Variants in CORO2A observed in about 807,000 individuals in gnomAD.
The protein encoded by CORO2A is coronin 2A.
CORO2A carries 47 observed loss-of-function variants against 62.4 expected under a neutral mutation model. The ratio of observed to expected loss-of-function variants is 0.75; its 90% CI spans 0.60 to 0.96. The LOEUF is 0.96. CORO2A is among the 40% of genes least tolerant of loss of function. The pLI is 0.00. For missense variants in CORO2A, 610 were observed against 684.1 expected (o/e 0.89, Z 1.21); for synonymous variants, 273 against 268.9 (o/e 1.02, Z -0.15).
At chr9:98,133,907 C>T (rs1179346813) in intron 4 of CORO2A, among the ~76,000 whole-genome samples, 1 of 152,052 alleles carries the variant, frequency 6.6e-6, no homozygotes, top group Non-Finnish European at 1.5e-5. Context: ...GACGCATTTT[C>T]CCACACCTGG....
intron 1 of CORO2A, among the ~76,000 whole-genome samples, chr9:98,180,033 CA>C (rs899704858): frequency 4.7e-5 from 7 of 149,256 alleles, no homozygotes; most frequent in Non-Finnish European, 8.9e-5. Context: ...AAACAGCAAG[CA>C]AAAAAAACTG....
intron 5 of CORO2A, 53 bp from the exon 6 acceptor site, chr9:98,132,354 G>A: frequency 6.7e-7 from 1 of 1,503,206 alleles, no homozygotes; most frequent in Non-Finnish European, 9.2e-7. Context: ...ATCGGGGGCA[G>A]CTGGGGTTTC....
At chr9:98,163,214 G>A (rs974479090) in intron 1 of CORO2A, among the ~76,000 whole-genome samples, 2 of 152,190 alleles carry the variant, frequency 1.3e-5, no homozygotes, top group African/African-American at 4.8e-5. Context: ...TTGAGACGGA[G>A]TCTCGCTCTG....
rs1261551953 is a variant in CORO2A at position 98,134,958 on chromosome 9, G to A, written c.319-3C>T. On this transcript the variant is annotated splice_polypyrimidine_tract_variant and splice_region_variant and intron_variant, in intron 3 of 11. Transcript: ENST00000375077. The stretch of plus-strand genomic sequence containing the variant: ...TTGGGGATGCTCCAGATCTTAATCT[G>A]GCAGGGGAGACAGGGCCCAAGGCAG... 9 of 1,613,658 alleles carry A rather than the reference G, an allele frequency of 5.6e-6. No homozygotes were observed. The highest frequency in any genetic ancestry group is 1.3e-5 in the African/African-American group (1 of 74,928).
intron 1 of CORO2A, among the ~76,000 whole-genome samples, chr9:98,168,664 C>T (rs974938460): frequency 1.3e-5 from 2 of 152,184 alleles, no homozygotes; most frequent in Non-Finnish European, 2.9e-5. Flanking sequence ...GTTCAAAAGA[C>T]GTTGGCTAGT....
At chr9:98,126,208 G>C (rs1287107981) in intron 11 of CORO2A, among the ~76,000 whole-genome samples, 1 of 151,584 alleles carries the variant, frequency 6.6e-6, no homozygotes, top group African/African-American at 2.4e-5. Flanking sequence ...GCTAATTTTT[G>C]TATTTTTAGT....
intron 7 of CORO2A, among the ~76,000 whole-genome samples, chr9:98,130,582 G>A (rs1827390859): frequency 6.6e-6 from 1 of 152,252 alleles, no homozygotes; most frequent in African/African-American, 2.4e-5. Flanking sequence ...TTGTCATAAT[G>A]ACTTGGATGG....
chr9:98,189,020 T>C (rs1175050616), intron 1 of CORO2A, among the ~76,000 whole-genome samples: 1 of 152,170 alleles, frequency 6.6e-6, no homozygotes, highest in African/African-American at 2.4e-5. Context: ...AAGCTCATAA[T>C]CACACCTTCC....
chr9:98,149,085 G>A (rs1458148957), intron 2 of CORO2A, among the ~76,000 whole-genome samples: 1 of 152,168 alleles, frequency 6.6e-6, no homozygotes, highest in East Asian at 1.9e-4. Flanking sequence ...ATGCTGTACT[G>A]CGTACTGTAG....
intron 2 of CORO2A, among the ~76,000 whole-genome samples, chr9:98,154,218 C>CT (rs1482674872): frequency 6.6e-6 from 1 of 151,044 alleles, no homozygotes; most frequent in East Asian, 1.9e-4. Flanking sequence ...AGTTGTTCAT[C>CT]TTTTTTATTT....
chr9:98,177,505 G>A (rs1828124753), intron 1 of CORO2A, among the ~76,000 whole-genome samples: 2 of 133,230 alleles, frequency 1.5e-5, no homozygotes, highest in South Asian at 2.3e-4. Context: ...CTCTGCTGGA[G>A]ACCCAGGCTG....
chr9:98,128,926 A>G (rs1772197119), intron 8 of CORO2A, among the ~76,000 whole-genome samples: 1 of 152,148 alleles, frequency 6.6e-6, no homozygotes, highest in Non-Finnish European at 1.5e-5. Context: ...GATTTAAATT[A>G]TTTTAGCTGA....
chr9:98,157,719 C>G, intron 1 of CORO2A, 59 bp from the exon 2 acceptor site: 2 of 1,483,214 alleles, frequency 1.3e-6, no homozygotes, highest in Admixed American at 1.7e-5. Context: ...ATGGGACACA[C>G]AGAGCTCTCA....
At chr9:98,127,400 A>G (rs113688775) in intron 10 of CORO2A, among the ~76,000 whole-genome samples, 5,310 of 152,158 alleles carry the variant, frequency 0.035, 306 homozygotes, top group African/African-American at 0.12. Context: ...AGCTGGGGTG[A>G]CTGCTTCTGC....
Position 98,154,162 on chromosome 9 carries a change from T to C in CORO2A, c.201+3298A>G, listed in dbSNP as rs141502362. On this transcript the variant is annotated intron_variant, in intron 2 of 11. Transcript: ENST00000375077. ...TCTTTCTTATTCTGTCCTCCTTGTCTGGTTTTGGTATCAAGGTTACAGTGG... is the reference window on the plus strand; with the variant it reads ...TCTTTCTTATTCTGTCCTCCTTGTCCGGTTTTGGTATCAAGGTTACAGTGG... Among the ~76,000 whole-genome samples, 124 of 152,030 alleles carry C rather than the reference T, an allele frequency of 8.2e-4. 1 individual carries two copies. Among genetic ancestry groups the C allele is most frequent in the Non-Finnish European group, 9.0e-4 (61 of 67,978 alleles).
chr9:98,143,164 G>A (rs1827597118), intron 2 of CORO2A, among the ~76,000 whole-genome samples: 1 of 152,232 alleles, frequency 6.6e-6, no homozygotes, highest in East Asian at 1.9e-4. Flanking sequence ...CCTGCCTGGA[G>A]AGGCATCACC....
At chr9:98,166,356 T>C (rs1289810007) in intron 1 of CORO2A, among the ~76,000 whole-genome samples, 3 of 151,958 alleles carry the variant, frequency 2.0e-5, no homozygotes, top group African/African-American at 4.8e-5. Flanking sequence ...AGAAAAAAAA[T>C]AGACAAATTG....
chr9:98,176,194 GA>G (rs1214435351), intron 1 of CORO2A, among the ~76,000 whole-genome samples: 2 of 152,188 alleles, frequency 1.3e-5, no homozygotes, highest in African/African-American at 4.8e-5. Flanking sequence ...TGAAAGCAGA[GA>G]AAGCCTTGTG....
intron 1 of CORO2A, among the ~76,000 whole-genome samples, chr9:98,188,071 C>T (rs990497839): frequency 2.6e-5 from 4 of 152,238 alleles, no homozygotes; most frequent in Non-Finnish European, 5.9e-5. Flanking sequence ...TTCCTCTTCT[C>T]CCGCCATCAC....
Sources: allele counts gnomAD v4.1 joint callset (sites outside exome capture counted in the v4.1 genomes callset), GRCh38; gene constraint gnomAD v4.1.1; transcripts MANE v1.5; gene names NCBI Gene and HGNC (gene_info 2026-07-23, HGNC 2026-07-21).